Variants in S100Z observed in about 807,000 individuals in gnomAD.
The protein encoded by S100Z is S100 calcium binding protein Z.
S100Z carries 11 observed loss-of-function variants against 8.5 expected under a neutral mutation model. The observed-to-expected ratio is 1.30, with a 90% CI of 0.82 to 2.15. The LOEUF (loss-of-function observed/expected upper bound fraction) is 2.15. Among genes scored for constraint, S100Z ranks in the 30% most tolerant of loss-of-function variants. S100Z has a pLI of 0.00. For synonymous variants in S100Z, 34 were observed against 43.8 expected, an observed-to-expected ratio of 0.78 and a Z score of 0.89; for missense variants, 126 against 117.9, an observed-to-expected ratio of 1.07 and a Z score of -0.32.
intron 1 of S100Z, among the ~76,000 whole-genome samples, chr5:76,868,597 A>G (rs892494399): frequency 2.0e-5 from 3 of 151,382 alleles, no homozygotes; most frequent in Non-Finnish European, 4.4e-5. Context: ...TTGGAATTAA[A>G]TAATATTTTA....
At chr5:76,864,720 TTC>T in intron 1 of S100Z, among the ~76,000 whole-genome samples, 1 of 148,784 alleles carries the variant, frequency 6.7e-6, no homozygotes, top group South Asian at 2.1e-4. Context: ...TTATACTTTT[TTC>T]TTCTTGAAAG....
In S100Z at chr5:76,895,071, T is replaced by C. The variant is rs79188085; in HGVS notation, c.*2+17237T>C. ...GTCTTTTTCTCTGAGACCACTTATT[T>C]AGCCATGCGTGGCCACTCCCCCTCT... On this transcript the variant is annotated intron_variant, in intron 4 of 4. Coordinates refer to ENST00000317593, the MANE Select transcript of S100Z (RefSeq NM_130772.4). Among the ~76,000 whole-genome samples, 272 of 152,248 alleles carry C rather than the reference T, an allele frequency of 1.8e-3. 8 individuals carry two copies. The East Asian group carries it at 0.045, about 25-fold the overall frequency.
intron 4 of S100Z, among the ~76,000 whole-genome samples, chr5:76,911,138 G>C (rs568280905): frequency 6.6e-6 from 1 of 152,312 alleles, no homozygotes; most frequent in African/African-American, 2.4e-5. Context: ...CAGGCTAAAA[G>C]ATCCCACCAC....
intron 4 of S100Z, among the ~76,000 whole-genome samples, chr5:76,918,839 T>C (rs1477728366): frequency 6.6e-6 from 1 of 152,238 alleles, no homozygotes; most frequent in Admixed American, 6.5e-5. Flanking sequence ...CTCTGTACTC[T>C]ATCTATTCAA....
intron 4 of S100Z, among the ~76,000 whole-genome samples, chr5:76,886,447 G>A (rs1580026704): frequency 6.6e-6 from 1 of 152,300 alleles, no homozygotes; most frequent in East Asian, 1.9e-4. Context: ...CCACTTACCC[G>A]ATTTAAAATC....
chr5:76,897,375 G>A lies in S100Z; in HGVS notation c.*2+19541G>A, dbSNP rs992833561. Among the ~76,000 whole-genome samples, 166 of 151,930 alleles carry A rather than the reference G, an allele frequency of 1.1e-3. 1 individual carries two copies. Among genetic ancestry groups the A allele is most frequent in the African/African-American group, 1.8e-3 (75 of 41,454 alleles). The stretch of plus-strand genomic sequence containing the variant: ...GGAGAATGGTGTGAACCCAGGAGGC[G>A]GAGCTTGCAGTGAGCCAAGATCGTG... On this transcript the variant is annotated intron_variant, in intron 4 of 4. Transcript: ENST00000317593.
chr5:76,869,147 C>G (rs1481572647), intron 1 of S100Z, among the ~76,000 whole-genome samples: 1 of 152,088 alleles, frequency 6.6e-6, no homozygotes, highest in East Asian at 1.9e-4. Context: ...TATGCCTGTC[C>G]CTGTGCTAAA....
Position 76,888,365 on chromosome 5 carries a change from G to GTTTTTTT in S100Z, c.*2+10532_*2+10533insTTTTTTT, listed in dbSNP as rs1235748706. 9.5e-5 allele frequency among the ~76,000 whole-genome samples: 8 copies of GTTTTTTT among 84,032 alleles called. 1 individual carries two copies. Among genetic ancestry groups the GTTTTTTT allele is most frequent in the East Asian group, 6.7e-4 (2 of 2,970 alleles). The allele number at this position is 84,032 out of a possible 152,430, so 55.1% of individuals were successfully genotyped here. On this transcript the variant is annotated intron_variant, in intron 4 of 4. Coordinates refer to ENST00000317593, the MANE Select transcript of S100Z (RefSeq NM_130772.4). ...TTTTTTTTTTCCTGGGAAAGTGCTG[G>GTTTTTTT]TATTTTTTTTTTTTTTTTTTTTTTT...
intron 4 of S100Z, among the ~76,000 whole-genome samples, chr5:76,880,909 T>G (rs1029957690): frequency 6.6e-6 from 1 of 152,120 alleles, no homozygotes; most frequent in Non-Finnish European, 1.5e-5. Context: ...TCGGGAATTT[T>G]GGAGGAAAGA....
intron 4 of S100Z, among the ~76,000 whole-genome samples, chr5:76,915,921 T>C (rs1744838453): frequency 6.6e-6 from 1 of 152,026 alleles, no homozygotes; most frequent in South Asian, 2.1e-4. Flanking sequence ...CCCTAGCACT[T>C]TCGGAGGCCA....
downstream of S100Z, among the ~76,000 whole-genome samples, chr5:76,923,463 C>A (rs1314700487): frequency 6.6e-6 from 1 of 152,204 alleles, no homozygotes; most frequent in Non-Finnish European, 1.5e-5. Flanking sequence ...TAGGAGCTAT[C>A]TAATGCCTAG....
the S100Z span, among the ~76,000 whole-genome samples, chr5:76,926,676 GAAC>G: frequency 6.6e-6 from 1 of 152,172 alleles, no homozygotes; most frequent in East Asian, 1.9e-4. Flanking sequence ...GCAGGTTTTA[GAAC>G]AACAGAAAGA....
At chr5:76,881,028 G>A (rs1580015600) in intron 4 of S100Z, among the ~76,000 whole-genome samples, 2 of 152,190 alleles carry the variant, frequency 1.3e-5, no homozygotes, top group East Asian at 3.9e-4. Context: ...GGTAGAGAGT[G>A]GCATAAAAAT....
chr5:76,878,535 C>T (rs1435458412), intron 4 of S100Z, among the ~76,000 whole-genome samples: 1 of 152,218 alleles, frequency 6.6e-6, no homozygotes, highest in South Asian at 2.1e-4. Flanking sequence ...CTTTCCTGCT[C>T]CAACCCTGAG....
chr5:76,889,184 G>C (rs1255782871), intron 4 of S100Z, among the ~76,000 whole-genome samples: 1 of 152,058 alleles, frequency 6.6e-6, no homozygotes, highest in East Asian at 1.9e-4. Context: ...CCTTCCCTCT[G>C]TCTCTGTACA....
chr5:76,941,078 T>C, the S100Z span, among the ~76,000 whole-genome samples: 1 of 152,148 alleles, frequency 6.6e-6, no homozygotes, highest in Non-Finnish European at 1.5e-5. Context: ...CTGGGTAATC[T>C]GTAAAGAAAA....
intron 4 of S100Z, among the ~76,000 whole-genome samples, chr5:76,910,820 G>T (rs2150679720): frequency 6.6e-6 from 1 of 152,282 alleles, no homozygotes; most frequent in Non-Finnish European, 1.5e-5. Context: ...CTCCTGTCTT[G>T]GATGACTGTC....
chr5:76,892,661 A>G (rs73764770), intron 4 of S100Z, among the ~76,000 whole-genome samples: 3,589 of 152,226 alleles, frequency 0.024, 145 homozygotes, highest in African/African-American at 0.078. Context: ...AAAGAAAAAA[A>G]AAGGCAGGGG....
At chr5:76,925,630 A>G (rs1396688701), downstream of S100Z, among the ~76,000 whole-genome samples, 1 of 151,922 alleles carries the variant, frequency 6.6e-6, no homozygotes, top group Non-Finnish European at 1.5e-5. Context: ...GCTGCTTGCT[A>G]TAGGAAGAAC....
Sources: gnomAD v4.1 joint callset for allele counts (sites outside exome capture counted in the v4.1 genomes callset) on GRCh38, gnomAD v4.1.1 for gene constraint, MANE v1.5 for transcripts, NCBI Gene and HGNC (gene_info 2026-07-23, HGNC 2026-07-21) for gene names.